PPARGC1A: variants seen among roughly 807,000 people sequenced by gnomAD.
The protein encoded by PPARGC1A is peroxisome proliferator-activated receptor gamma coactivator 1-alpha.
In PPARGC1A, 25 loss-of-function variants were observed where a neutral mutation model predicts 88.7. The observed-to-expected ratio is 0.28, with a 90% CI of 0.21 to 0.39. The LOEUF is 0.39. Ranked by LOEUF, PPARGC1A falls within the 10% of genes least tolerant of loss-of-function variation. The pLI, the probability that PPARGC1A is intolerant of heterozygous loss-of-function variation, is 1.00. For missense variants in PPARGC1A, 880 were observed against 968.7 expected (o/e 0.91, Z 1.22); for synonymous variants, 363 against 355.6 (o/e 1.02, Z -0.24).
chr4:24,045,770 G>A, the PPARGC1A span, among the ~76,000 whole-genome samples: 36 of 152,202 alleles, frequency 2.4e-4, no homozygotes, highest in African/African-American at 8.2e-4. Flanking sequence ...ACATTCACAG[G>A]TACTGAGAGT....
chr4:23,811,004 T>A (rs1042266278), intron 10 of PPARGC1A, among the ~76,000 whole-genome samples: 10 of 152,200 alleles, frequency 6.6e-5, no homozygotes, highest in African/African-American at 2.4e-4. Flanking sequence ...AATCTTAATA[T>A]CACTGCTCAT....
chr4:24,017,972 C>T, the PPARGC1A span, among the ~76,000 whole-genome samples: 1 of 152,186 alleles, frequency 6.6e-6, no homozygotes, highest in African/African-American at 2.4e-5. Context: ...TACATGAACA[C>T]ATATGCTTCC....
the PPARGC1A span, among the ~76,000 whole-genome samples, chr4:24,130,541 A>G: frequency 3.3e-5 from 5 of 152,114 alleles, no homozygotes; most frequent in Non-Finnish European, 1.5e-5. Flanking sequence ...AGATGAAGAA[A>G]CTGGGGTTCA....
At chr4:24,208,012 C>T in the PPARGC1A span, among the ~76,000 whole-genome samples, 1 of 152,142 alleles carries the variant, frequency 6.6e-6, no homozygotes. Context: ...GGTGCAGTGA[C>T]TCACACCTGT....
chr4:24,384,221 C>T, the PPARGC1A span, among the ~76,000 whole-genome samples: 5 of 152,080 alleles, frequency 3.3e-5, no homozygotes, highest in African/African-American at 1.2e-4. Flanking sequence ...CTTACAAGAG[C>T]TCATGAAGGA....
At chr4:24,185,059 T>TC in the PPARGC1A span, among the ~76,000 whole-genome samples, 9 of 152,272 alleles carry the variant, frequency 5.9e-5, no homozygotes, top group South Asian at 1.5e-3. Flanking sequence ...AACAATGTGT[T>TC]CGAGAAAAGT....
chr4:24,383,340 C>T, the PPARGC1A span, among the ~76,000 whole-genome samples: 2 of 152,110 alleles, frequency 1.3e-5, no homozygotes, highest in South Asian at 4.1e-4. Flanking sequence ...CAAAACTCCT[C>T]GCCAGCAAGG....
chr4:24,035,857 T>C, the PPARGC1A span, among the ~76,000 whole-genome samples: 4 of 152,218 alleles, frequency 2.6e-5, no homozygotes, highest in African/African-American at 9.6e-5. Context: ...GAAAGAACTA[T>C]AACAAAAGTG....
chr4:24,103,422 G>A, the PPARGC1A span, among the ~76,000 whole-genome samples: 1 of 152,056 alleles, frequency 6.6e-6, no homozygotes, highest in Admixed American at 6.5e-5. Context: ...TGTGGAGCCT[G>A]AAGGTGTGTA....
At chr4:24,299,852 A>G in the PPARGC1A span, among the ~76,000 whole-genome samples, 1 of 152,178 alleles carries the variant, frequency 6.6e-6, no homozygotes, top group Non-Finnish European at 1.5e-5. Flanking sequence ...AGAAAGCACC[A>G]TTTTCAGAAA....
At chr4:24,288,536 A>T in the PPARGC1A span, among the ~76,000 whole-genome samples, 218 of 152,350 alleles carry the variant, frequency 1.4e-3, no homozygotes, top group Non-Finnish European at 1.8e-3. Flanking sequence ...ATCTCTTAGA[A>T]TGGTAGAAAT....
At chr4:23,821,201 A>G (rs1001661931) in intron 7 of PPARGC1A, among the ~76,000 whole-genome samples, 5 of 152,160 alleles carry the variant, frequency 3.3e-5, no homozygotes, top group South Asian at 2.1e-4. Flanking sequence ...GGAAAGAGAT[A>G]TAAGTTCTCT....
At chr4:24,100,123 A>AAT in the PPARGC1A span, among the ~76,000 whole-genome samples, 1 of 152,204 alleles carries the variant, frequency 6.6e-6, no homozygotes, top group Non-Finnish European at 1.5e-5. Context: ...AAGTATAATT[A>AAT]ATATATATAT....
chr4:23,873,035 A>G (rs139070573), intron 2 of PPARGC1A, among the ~76,000 whole-genome samples: 5,172 of 147,804 alleles, frequency 0.035, 300 homozygotes, highest in African/African-American at 0.12. Flanking sequence ...CTAAAAATAC[A>G]AAAAAAAAAT....
chr4:24,021,871 G>T, the PPARGC1A span, among the ~76,000 whole-genome samples: 1 of 152,206 alleles, frequency 6.6e-6, no homozygotes, highest in African/African-American at 2.4e-5. Flanking sequence ...GTAGTGGGGA[G>T]CCCATTAAAA....
chr4:24,437,590 GTTT>G, the PPARGC1A span, among the ~76,000 whole-genome samples: 1,889 of 130,752 alleles, frequency 0.014, 25 homozygotes, highest in African/African-American at 0.02. Context: ...AAAGGCACAG[GTTT>G]TTTGTTGTTG....
At chr4:23,957,067 C>T in the PPARGC1A span, among the ~76,000 whole-genome samples, 3 of 152,096 alleles carry the variant, frequency 2.0e-5, no homozygotes, top group Non-Finnish European at 4.4e-5. Context: ...CTAACCACTA[C>T]AAGATACTCC....
At chr4:24,268,276 A>G in the PPARGC1A span, among the ~76,000 whole-genome samples, 2 of 152,208 alleles carry the variant, frequency 1.3e-5, no homozygotes, top group Non-Finnish European at 2.9e-5. Flanking sequence ...TTGGTGCCCT[A>G]TGGCTCAGAC....
the PPARGC1A span, among the ~76,000 whole-genome samples, chr4:23,992,825 A>G: frequency 6.6e-6 from 1 of 152,144 alleles, no homozygotes; most frequent in African/African-American, 2.4e-5. Flanking sequence ...AATGAAGTCT[A>G]GAGGCTCCTT....
Sources: gnomAD v4.1 joint callset for allele counts (sites outside exome capture counted in the v4.1 genomes callset) on GRCh38, gnomAD v4.1.1 for gene constraint, MANE v1.5 for transcripts, NCBI Gene and HGNC (gene_info 2026-07-23, HGNC 2026-07-21) for gene names.